Variants in ASB3 observed in about 807,000 individuals in gnomAD.
The protein encoded by ASB3 is ankyrin repeat and SOCS box containing 3.
ASB3 carries 41 observed loss-of-function variants against 54.5 expected under a neutral mutation model. The ratio of observed to expected loss-of-function variants is 0.75; its 90% CI spans 0.59 to 0.98. The LOEUF (loss-of-function observed/expected upper bound fraction) is 0.98. ASB3 is among the 50% of genes least tolerant of loss of function. The probability of loss-of-function intolerance (pLI) is 0.00; values close to 1 mark genes in which losing one functional copy is unlikely to be tolerated. For synonymous variants in ASB3, 266 were observed against 221.2 expected (o/e 1.20, Z -1.80); for missense variants, 733 against 620.0 (o/e 1.18, Z -1.94).
At chr2:53,697,790 T>A (rs565762836) in intron 8 of ASB3, among the ~76,000 whole-genome samples, 1 of 152,314 alleles carries the variant, frequency 6.6e-6, no homozygotes, top group Admixed American at 6.5e-5. Context: ...CAGGGCTTCC[T>A]GGATAAACTG....
chr2:53,703,185 G>A (rs1305182750), intron 7 of ASB3, among the ~76,000 whole-genome samples: 1 of 152,122 alleles, frequency 6.6e-6, no homozygotes, highest in Non-Finnish European at 1.5e-5. Flanking sequence ...CATTCCATTT[G>A]GAGGAATCTT....
In ASB3 at chr2:53,716,708, T is replaced by C; in HGVS notation, c.640A>G (p.Thr214Ala). ...TCTTGAGCAGCAATGAACAAGGGTGTAGCTTTGTCCAAGGCTTGACAATTG... is the reference window on the plus strand; with the variant it reads ...TCTTGAGCAGCAATGAACAAGGGTGCAGCTTTGTCCAAGGCTTGACAATTG... ...NVNCQALDKA[T>A]PLFIAAQEGH... Residue 214 changes from threonine to alanine, a missense_variant, in exon 6 of 10, where the codon ACA becomes GCA. Thr to Ala is a moderately conservative substitution (Grantham distance 58). Transcript: ENST00000263634. 1.2e-6 allele frequency: 2 copies of C among 1,614,040 alleles called. No homozygotes were observed. The highest frequency in any genetic ancestry group is 1.7e-6 in the Non-Finnish European group (2 of 1,179,944).
chr2:53,670,475 A>T lies in ASB3; in HGVS notation c.*28T>A, dbSNP rs750414020. On this transcript the variant is annotated 3_prime_UTR_variant, in exon 10 of 10. Coordinates refer to ENST00000263634, the MANE Select transcript of ASB3 (RefSeq NM_016115.5). ...TCTCGATGATTTTTCAGAGAAAAAA[A>T]TTAGCTGTGTTAAGTAGTTTCACTG... The T allele has an allele frequency of 2.5e-6, 4 of 1,597,482 alleles. No individual in the cohort carries two copies. The East Asian group carries it at 6.7e-5, about 27-fold the overall frequency.
intron 1 of ASB3, chr2:53,767,555 T>C (rs1457182181): frequency 4.5e-6 from 1 of 222,552 alleles, no homozygotes; most frequent in African/African-American, 2.3e-5. Context: ...CAGAGCCAAA[T>C]AGCTCCAAAA....
intron 2 of ASB3, among the ~76,000 whole-genome samples, chr2:53,764,384 T>C (rs1220680426): frequency 1.3e-5 from 2 of 152,136 alleles, no homozygotes; most frequent in Non-Finnish European, 2.9e-5. Context: ...AATACCCTAG[T>C]TTATTATGTA....
intron 8 of ASB3, among the ~76,000 whole-genome samples, chr2:53,697,590 C>T (rs1039430858): frequency 6.6e-6 from 1 of 152,136 alleles, no homozygotes; most frequent in Admixed American, 6.5e-5. Flanking sequence ...TAAATTCCTG[C>T]CAGCTGTGAG....
intron 9 of ASB3, among the ~76,000 whole-genome samples, chr2:53,681,935 G>T (rs1668392451): frequency 1.3e-5 from 2 of 152,140 alleles, no homozygotes; most frequent in East Asian, 1.9e-4. Context: ...TGAGGTGGGT[G>T]GATCACAAAG....
chr2:53,780,291 C>G (rs1674571147), intron 1 of ASB3, among the ~76,000 whole-genome samples: 1 of 152,090 alleles, frequency 6.6e-6, no homozygotes, highest in Non-Finnish European at 1.5e-5. Context: ...GCCCCTCATG[C>G]TCCAATCACA....
At position 53,716,718 on chromosome 2, in the gene ASB3, C is replaced by T; in HGVS notation, c.630G>A (p.Leu210=). Residue 210 remains leucine (L), a synonymous_variant, in exon 6 of 10, where the codon TTG becomes TTA. Transcript: ENST00000263634. ...SSGANVNCQA[L]DKATPLFIAA... Reference sequence around the variant, plus strand: ...CAATGAACAAGGGTGTAGCTTTGTCCAAGGCTTGACAATTGACATTTGCAC... The same window carrying T: ...CAATGAACAAGGGTGTAGCTTTGTCTAAGGCTTGACAATTGACATTTGCAC... The T allele has an allele frequency of 6.2e-7, 1 of 1,613,298 alleles. No homozygotes were observed. Among genetic ancestry groups the T allele is most frequent in the Non-Finnish European group, 8.5e-7 (1 of 1,179,500 alleles).
At chr2:53,686,158 A>G (rs1668621051) in intron 9 of ASB3, among the ~76,000 whole-genome samples, 1 of 152,122 alleles carries the variant, frequency 6.6e-6, no homozygotes, top group Non-Finnish European at 1.5e-5. Flanking sequence ...GCTTCCTTTG[A>G]TCATCTTGAG....
chr2:53,704,345 G>GC (rs1195893438), intron 7 of ASB3, among the ~76,000 whole-genome samples: 2 of 137,530 alleles, frequency 1.5e-5, no homozygotes, highest in Non-Finnish European at 3.0e-5. Context: ...GGGCCACAGA[G>GC]CGAGAGACTG....
At position 53,670,321 on chromosome 2, in the gene ASB3, T is replaced by A. The variant is rs10197814; in HGVS notation, c.*182A>T. 3.0e-5 allele frequency: 8 copies of A among 270,340 alleles called. No homozygotes were observed. Among genetic ancestry groups the A allele is most frequent in the Non-Finnish European group, 3.9e-5 (6 of 152,346 alleles). The allele number at this position is 270,340 out of a possible 1,614,324, so 16.7% of individuals were successfully genotyped here. On this transcript the variant is annotated 3_prime_UTR_variant, in exon 10 of 10. Coordinates refer to ENST00000263634, the MANE Select transcript of ASB3 (RefSeq NM_016115.5). ...TTTTTTTTTTTTTTTTTTTTTTTACTGGGAAGGCTAGTTGTAAACATAAAC... is the reference window on the plus strand; with the variant it reads ...TTTTTTTTTTTTTTTTTTTTTTTACAGGGAAGGCTAGTTGTAAACATAAAC...
At chr2:53,786,557 A>G (rs1343748202) in intron 1 of ASB3, 1 of 152,342 alleles carries the variant, frequency 6.6e-6, no homozygotes, top group African/African-American at 2.4e-5. Context: ...GATGGAGATA[A>G]GCCTCAAGCG....
At chr2:53,783,976 A>G (rs1036709963) in intron 1 of ASB3, among the ~76,000 whole-genome samples, 3 of 152,250 alleles carry the variant, frequency 2.0e-5, no homozygotes, top group Non-Finnish European at 4.4e-5. Flanking sequence ...TGACTTGTAA[A>G]GCAACTAGTC....
intron 9 of ASB3, among the ~76,000 whole-genome samples, chr2:53,678,081 G>A (rs1668176624): frequency 6.6e-6 from 1 of 152,002 alleles, no homozygotes; most frequent in Non-Finnish European, 1.5e-5. Context: ...CCATAATGAA[G>A]TGATTACTAC....
In ASB3 at chr2:53,750,959, C is replaced by A; in HGVS notation, c.197-18G>T. On this transcript the variant is annotated intron_variant, in intron 2 of 9. Coordinates refer to ENST00000263634, the MANE Select transcript of ASB3 (RefSeq NM_016115.5). ...AGATGAATCTGTGGAAGAATCAAAG[C>A]CCATCAACTAGAAGGTATTACTTCT... 1 of 1,498,570 alleles carries A rather than the reference C, an allele frequency of 6.7e-7. No homozygotes were observed. Among genetic ancestry groups the A allele is most frequent in the Admixed American group, 2.3e-5 (1 of 43,864 alleles). The allele number at this position is 1,498,570 out of a possible 1,614,324, so 92.8% of individuals were successfully genotyped here.
chr2:53,771,814 T>G lies in ASB3; in HGVS notation c.-13-6229A>C, dbSNP rs181625791. 7.9e-6 allele frequency: 6 copies of G among 763,188 alleles called. No homozygotes were observed. In the African/African-American group the frequency reaches 8.8e-5, roughly 11 times the overall value. The allele number at this position is 763,188 out of a possible 1,614,324, so 47.3% of individuals were successfully genotyped here. A position where few individuals can be genotyped will look rare whatever the true frequency, so the allele number is the denominator to read the frequency against. ...TAGTGCTTCTTATGAGCAAATATAA[T>G]TCAAATATTCCATGTCAAAAATGTT... On this transcript the variant is annotated intron_variant, in intron 1 of 9. Coordinates refer to ENST00000263634, the MANE Select transcript of ASB3 (RefSeq NM_016115.5).
At chr2:53,727,668 T>C (rs552054002) in intron 5 of ASB3, among the ~76,000 whole-genome samples, 3 of 152,124 alleles carry the variant, frequency 2.0e-5, no homozygotes, top group African/African-American at 7.2e-5. Flanking sequence ...CAAACAAACT[T>C]TGTATGATCT....
At chr2:53,718,300 A>G (rs1412583470) in intron 5 of ASB3, among the ~76,000 whole-genome samples, 2 of 151,244 alleles carry the variant, frequency 1.3e-5, no homozygotes, top group African/African-American at 4.9e-5. Context: ...GATCACATAC[A>G]AAAGGAACAG....
Sources: allele counts gnomAD v4.1 joint callset (sites outside exome capture counted in the v4.1 genomes callset), GRCh38; gene constraint gnomAD v4.1.1; transcripts MANE v1.5; gene names NCBI Gene and HGNC (gene_info 2026-07-23, HGNC 2026-07-21).